The following EXOC5 variants were observed in gnomAD, a reference collection of about 807,000 sequenced individuals.
EXOC5 encodes the protein SEC10-like 1.
A neutral mutation model predicts 90.8 loss-of-function variants in EXOC5; 17 were observed. The observed-to-expected ratio is 0.19, with a 90% CI of 0.13 to 0.28. The LOEUF (loss-of-function observed/expected upper bound fraction) is 0.28, where lower values mean the gene tolerates loss of function less well. EXOC5 is among the 10% of genes least tolerant of loss of function. The probability of loss-of-function intolerance (pLI) is 1.00; values close to 1 mark genes in which losing one functional copy is unlikely to be tolerated. For synonymous variants in EXOC5, 260 were observed against 270.0 expected (o/e 0.96, Z 0.36); for missense variants, 569 against 830.6 (o/e 0.69, Z 3.87).
At chr14:57,260,717 G>A (rs138472948) in intron 1 of EXOC5, among the ~76,000 whole-genome samples, 16 of 152,210 alleles carry the variant, frequency 1.1e-4, no homozygotes, top group Non-Finnish European at 2.1e-4. Context: ...TCACAGCCCA[G>A]CTCTTTCATC....
intron 2 of EXOC5, among the ~76,000 whole-genome samples, chr14:57,247,337 T>C (rs1884060076): frequency 6.6e-6 from 1 of 152,204 alleles, no homozygotes; most frequent in Non-Finnish European, 1.5e-5. Flanking sequence ...TGTTTTTATT[T>C]TAGAAGTATA....
rs1217435787 is a variant in EXOC5 at position 57,233,780 on chromosome 14, G to A, written c.818C>T (p.Ala273Val). 1 of 1,592,132 alleles carries A rather than the reference G, an allele frequency of 6.3e-7. No individual in the cohort carries two copies. The highest frequency in any genetic ancestry group is 1.7e-5 in the Admixed American group (1 of 59,908). Residue 273 changes from alanine (A) to valine (V), a missense_variant, in exon 9 of 18, where the codon GCT (alanine) becomes GTT (valine). This residue lies in a region of EXOC5 where 114 missense variants were observed against 111.2 expected (regional missense o/e 1.03). Coordinates refer to ENST00000621441, the MANE Select transcript of EXOC5 (RefSeq NM_006544.4). Reference sequence around the variant, plus strand: ...TTCAAATACATTTTGAATAAGTTTAGCCAGGACTGTTTCTGGATTACTGAA... The same window carrying A: ...TTCAAATACATTTTGAATAAGTTTAACCAGGACTGTTTCTGGATTACTGAA... ...DIFSNPETVLAKLIQNVFEIK... is the reference protein window; with the variant it reads ...DIFSNPETVLVKLIQNVFEIK...
intron 1 of EXOC5, 35 bp downstream of exon 1, chr14:57,268,587 G>A: frequency 6.3e-7 from 1 of 1,577,420 alleles, no homozygotes; most frequent in Non-Finnish European, 8.6e-7. Flanking sequence ...GCAAACCCCG[G>A]GCCTGCCACT....
intron 15 of EXOC5, among the ~76,000 whole-genome samples, chr14:57,215,667 C>G (rs1882952067): frequency 6.6e-6 from 1 of 151,562 alleles, no homozygotes; most frequent in Admixed American, 6.6e-5. Context: ...AGGAATATAC[C>G]TAAAGATAAT....
At chr14:57,211,022 T>G (rs1882810864) in intron 15 of EXOC5, among the ~76,000 whole-genome samples, 1 of 152,226 alleles carries the variant, frequency 6.6e-6, no homozygotes. Context: ...GCTGGATGGC[T>G]TCTTAAAAGT....
Position 57,208,632 on chromosome 14 carries a change from G to A in EXOC5, c.2104C>T (p.Arg702Cys). ...VQLRADYRSA[R>C]LARHFS ...TCTCAGCTGAAGTGTCGAGCAAGGC[G>A]GGCAGATCTATAATCAGCACGAAGT... is the stretch of plus-strand genomic sequence containing the variant. The change falls in exon 18 of 18, where the codon CGC (arginine) becomes TGC (cysteine). Residue 702 changes from arginine to cysteine, a missense_variant. Coordinates refer to ENST00000621441, the MANE Select transcript of EXOC5 (RefSeq NM_006544.4). The A allele has an allele frequency of 1.9e-6, 3 of 1,604,242 alleles. No homozygotes were observed. Among genetic ancestry groups the A allele is most frequent in the Non-Finnish European group, 2.6e-6 (3 of 1,173,476 alleles).
At position 57,213,223 on chromosome 14, in the gene EXOC5, T is replaced by TA. The variant is rs201373549; in HGVS notation, c.1614-3163dup. 1.2e-3 allele frequency among the ~76,000 whole-genome samples: 180 copies of TA among 146,840 alleles called. 1 individual carries two copies. The East Asian group carries it at 0.017, about 14-fold the overall frequency. The stretch of plus-strand genomic sequence containing the variant: ...CATAATGAGACCCTATCTCTACATA[T>TA]AAAAAAAAAATGGCTGGGTATGGTG... On this transcript the variant is annotated intron_variant, in intron 15 of 17. Transcript: ENST00000621441.
chr14:57,259,823 G>A (rs964422401), intron 1 of EXOC5, among the ~76,000 whole-genome samples: 11 of 152,096 alleles, frequency 7.2e-5, no homozygotes, highest in African/African-American at 2.7e-4. Flanking sequence ...AAAGCAAGGG[G>A]ATGCTGTGTC....
At chr14:57,222,925 CT>C (rs1228689099) in intron 12 of EXOC5, among the ~76,000 whole-genome samples, 1 of 151,780 alleles carries the variant, frequency 6.6e-6, no homozygotes, top group Non-Finnish European at 1.5e-5. Context: ...AAAAAGAATT[CT>C]TTGTTTTACT....
Position 57,222,326 on chromosome 14 carries a change from A to C in EXOC5, c.1387T>G (p.Leu463Val). The change falls in exon 13 of 18, where the codon TTG becomes GTG. Residue 463 changes from leucine to valine, a missense_variant. This residue lies in a region of EXOC5 where 56 missense variants were observed against 51.1 expected (regional missense o/e 1.10). Transcript: ENST00000621441. ...TACTTACCAGCAAGTCCTGTTTCCA[A>C]AGCATAATCAATATGCTCAATACAT... ...FLCIEHIDYA[L>V]ETGLAGIPSS... is the part of the protein sequence containing the mutation. 3 of 1,552,626 alleles carry C rather than the reference A, an allele frequency of 1.9e-6. No homozygotes were observed. The highest frequency in any genetic ancestry group is 1.2e-5 in the South Asian group (1 of 84,608).
chr14:57,209,798 T>C lies in EXOC5; in HGVS notation c.1723-16A>G. ...TTACACAGGCCTATAAAAGTTTTTC[T>C]ACACTCATTACACAGGAATGTATAC... On this transcript the variant is annotated splice_polypyrimidine_tract_variant and intron_variant, in intron 16 of 17. Coordinates refer to ENST00000621441, the MANE Select transcript of EXOC5 (RefSeq NM_006544.4). 6.6e-7 allele frequency: 1 copy of C among 1,512,170 alleles called. No individual in the cohort carries two copies. The highest frequency in any genetic ancestry group is 9.1e-7 in the Non-Finnish European group (1 of 1,095,422). The allele number at this position is 1,512,170 out of a possible 1,614,324, so 93.7% of individuals were successfully genotyped here. A position where few individuals can be genotyped will look rare whatever the true frequency, so the allele number is the denominator to read the frequency against.
At position 57,202,000 on chromosome 14, in the gene EXOC5, G is replaced by A. The variant is rs1201212267; in HGVS notation, c.*6609C>T. 2 of 152,012 alleles carry A rather than the reference G, an allele frequency of 1.3e-5. No homozygotes were observed. Among genetic ancestry groups the A allele is most frequent in the African/African-American group, 4.8e-5 (2 of 41,378 alleles). The allele number at this position is 152,012 out of a possible 1,614,324, so 9.4% of individuals were successfully genotyped here. ...TTAAAGTGGAGAAGCCTGGTAAATA[G>A]TACCTTAAGAAAGTGATAAAAATGA... On this transcript the variant is annotated 3_prime_UTR_variant, in exon 18 of 18. Coordinates refer to ENST00000621441, the MANE Select transcript of EXOC5 (RefSeq NM_006544.4).
chr14:57,226,300 G>C (rs1883306867), intron 12 of EXOC5, among the ~76,000 whole-genome samples: 1 of 152,124 alleles, frequency 6.6e-6, no homozygotes, highest in Non-Finnish European at 1.5e-5. Flanking sequence ...TGGGGGTCCA[G>C]AGATTTATTT....
intron 1 of EXOC5, among the ~76,000 whole-genome samples, 173 bp from the exon 2 acceptor site, chr14:57,247,885 A>C (rs1884075996): frequency 9.9e-6 from 1 of 101,504 alleles, no homozygotes; most frequent in Non-Finnish European, 1.7e-5. Flanking sequence ...ATCTTCAATA[A>C]ACAAAACAAA....
chr14:57,265,383 T>C (rs1346427762), intron 1 of EXOC5, among the ~76,000 whole-genome samples: 1 of 152,124 alleles, frequency 6.6e-6, no homozygotes, highest in Non-Finnish European at 1.5e-5. Flanking sequence ...GAGGAAAGAA[T>C]GTCCTCAGTA....
At chr14:57,210,551 C>T (rs1399081357) in intron 15 of EXOC5, among the ~76,000 whole-genome samples, 2 of 152,046 alleles carry the variant, frequency 1.3e-5, no homozygotes, top group Admixed American at 6.6e-5. Context: ...TGTAGACTGA[C>T]GGTAATTTTA....
intron 1 of EXOC5, among the ~76,000 whole-genome samples, chr14:57,255,006 T>G (rs1884308451): frequency 6.6e-6 from 1 of 152,168 alleles, no homozygotes; most frequent in African/African-American, 2.4e-5. Context: ...ATGCAAAGTA[T>G]GAAGTTCTTT....
chr14:57,230,725 T>C (rs1883457868), intron 11 of EXOC5, among the ~76,000 whole-genome samples: 2 of 152,200 alleles, frequency 1.3e-5, no homozygotes, highest in Non-Finnish European at 2.9e-5. Context: ...TATTTTCTTC[T>C]AGTCTGTAAA....
intron 1 of EXOC5, among the ~76,000 whole-genome samples, chr14:57,258,950 G>A (rs548678387): frequency 1.1e-3 from 174 of 152,214 alleles, no homozygotes; most frequent in African/African-American, 4.0e-3. Context: ...TCTGTATCTT[G>A]TTAAACCAAC....
Sources: gnomAD v4.1 joint callset for allele counts (sites outside exome capture counted in the v4.1 genomes callset) on GRCh38, gnomAD v4.1.1 for gene constraint, gnomAD v4.1.1 regional missense constraint, MANE v1.5 for transcripts, NCBI Gene and HGNC (gene_info 2026-07-23, HGNC 2026-07-21) for gene names.